ARHGAP44: variants seen among roughly 807,000 people sequenced by gnomAD.
ARHGAP44 encodes the protein Rho GTPase activating protein 44, also known as rho GTPase-activating protein 44.
In ARHGAP44, 43 loss-of-function variants were observed where a neutral mutation model predicts 106.8. The ratio of observed to expected loss-of-function variants is 0.40; its 90% CI spans 0.32 to 0.52. The LOEUF is 0.52. ARHGAP44 is among the 20% of genes least tolerant of loss of function. The pLI is 0.48. For synonymous variants in ARHGAP44, 439 were observed against 410.3 expected (o/e 1.07, Z -0.85); for missense variants, 866 against 1,050.5 (o/e 0.82, Z 2.43).
At chr17:12,815,142 A>T (rs530684810) in intron 1 of ARHGAP44, among the ~76,000 whole-genome samples, 166 of 151,308 alleles carry the variant, frequency 1.1e-3, no homozygotes, top group East Asian at 2.5e-3. Context: ...TTTTTTTTTT[A>T]AAAGATTCTT....
At chr17:12,943,725 G>A (rs140963737) in intron 9 of ARHGAP44, 56 bp downstream of exon 9, 97 of 1,539,284 alleles carry the variant, frequency 6.3e-5, no homozygotes, top group African/African-American at 8.2e-5. Context: ...TTGCCTTCCC[G>A]GATGAGATGA....
At chr17:12,803,012 A>C (rs2034165750) in intron 1 of ARHGAP44, among the ~76,000 whole-genome samples, 1 of 119,284 alleles carries the variant, frequency 8.4e-6, no homozygotes, top group Non-Finnish European at 1.6e-5. Flanking sequence ...TAGCTCTGTC[A>C]CCCAGGCTGA....
intron 1 of ARHGAP44, among the ~76,000 whole-genome samples, chr17:12,828,206 T>C (rs367550827): frequency 5.6e-4 from 85 of 151,612 alleles, no homozygotes; most frequent in African/African-American, 2.0e-3. Context: ...GTAGTTTTTT[T>C]CTCTTTCTTT....
At chr17:12,975,820 A>AAT (rs2039668027) in intron 18 of ARHGAP44, among the ~76,000 whole-genome samples, 5 of 134,850 alleles carry the variant, frequency 3.7e-5, no homozygotes, top group South Asian at 2.3e-4. Context: ...AAAAAAAAGA[A>AAT]AAAAAGACAT....
At chr17:12,849,453 G>A (rs778457301) in intron 1 of ARHGAP44, among the ~76,000 whole-genome samples, 10 of 150,966 alleles carry the variant, frequency 6.6e-5, no homozygotes, top group Non-Finnish European at 1.3e-4. Flanking sequence ...GGCTGGGCTT[G>A]TTCACCTGAA....
chr17:12,969,990 A>T lies in ARHGAP44; in HGVS notation c.1524-3312A>T, dbSNP rs557164279. ...CATGAAAAATACCCACGTTTCCATT[A>T]TGATAAATCCTATGCAAATATAAGA... On this transcript the variant is annotated intron_variant, in intron 16 of 20. Coordinates refer to ENST00000379672, the MANE Select transcript of ARHGAP44 (RefSeq NM_014859.6). 3.3e-5 allele frequency among the ~76,000 whole-genome samples: 5 copies of T among 152,298 alleles called. No homozygotes were observed. The South Asian group carries it at 1.0e-3, about 32-fold the overall frequency.
Position 12,974,150 on chromosome 17 carries a change from A to T in ARHGAP44, c.1603A>T (p.Lys535Ter). The T allele has an allele frequency of 6.4e-7, 1 of 1,561,044 alleles. No individual in the cohort carries two copies. The highest frequency in any genetic ancestry group is 8.7e-7 in the Non-Finnish European group (1 of 1,153,194). ...TCGAAGAGGCTCCTCGGCCGGTCGG[A>T]AAGTGTCCTGCGCCCCGCCCTCCAT... Reference protein sequence around the residue: ...VARRGSSAGRKVSCAPPSMQP... With the variant: ...VARRGSSAGR Residue 535 changes from lysine to a stop codon, truncating the protein, a stop_gained, in exon 18 of 21, where the codon AAA becomes TAA. Coordinates refer to ENST00000379672, the MANE Select transcript of ARHGAP44 (RefSeq NM_014859.6). LOFTEE classifies it high-confidence loss of function.
intron 1 of ARHGAP44, among the ~76,000 whole-genome samples, chr17:12,799,127 C>T (rs906805395): frequency 2.0e-5 from 3 of 152,166 alleles, no homozygotes; most frequent in Admixed American, 1.3e-4. Flanking sequence ...ATTTCTTTCT[C>T]ATTAGCTTTT....
Position 12,974,078 on chromosome 17 carries a change from TC to T in ARHGAP44, c.1542-8del. On this transcript the variant is annotated splice_polypyrimidine_tract_variant and intron_variant, in intron 17 of 20. Coordinates refer to ENST00000379672, the MANE Select transcript of ARHGAP44 (RefSeq NM_014859.6). The stretch of plus-strand genomic sequence containing the variant: ...CGCGTGGGTAAGCGGTGTCTTTGTG[TC>T]CCTCGCCAGCATGGGTGTGAGGGTC... 3.9e-6 allele frequency: 6 copies of T among 1,556,752 alleles called. No individual in the cohort carries two copies. Among genetic ancestry groups the T allele is most frequent in the East Asian group, 2.4e-5 (1 of 41,402 alleles).
chr17:12,989,084 C>T (rs1231922550), intron 20 of ARHGAP44, among the ~76,000 whole-genome samples: 1 of 107,156 alleles, frequency 9.3e-6, no homozygotes, highest in Non-Finnish European at 1.8e-5. Flanking sequence ...GTGACAAGAG[C>T]GAAACTCCAC....
intron 4 of ARHGAP44, among the ~76,000 whole-genome samples, chr17:12,910,726 G>A (rs1462470307): frequency 6.6e-6 from 1 of 152,032 alleles, no homozygotes; most frequent in Non-Finnish European, 1.5e-5. Context: ...GATTACAGGA[G>A]TGCTTATGTA....
chr17:12,914,167 T>C (rs943056745), intron 4 of ARHGAP44, among the ~76,000 whole-genome samples: 2 of 152,116 alleles, frequency 1.3e-5, no homozygotes, highest in Non-Finnish European at 2.9e-5. Flanking sequence ...AGGCACTTCA[T>C]GGGAGAGGGA....
chr17:12,990,819 G>A lies in ARHGAP44; in HGVS notation c.*648G>A, dbSNP rs1487593418. 2 of 152,240 alleles carry A rather than the reference G, an allele frequency of 1.3e-5. No homozygotes were observed. The highest frequency in any genetic ancestry group is 2.1e-4 in the South Asian group (1 of 4,832). The allele number at this position is 152,240 out of a possible 1,614,324, so 9.4% of individuals were successfully genotyped here. A position where few individuals can be genotyped will look rare whatever the true frequency, so the allele number is the denominator to read the frequency against. On this transcript the variant is annotated 3_prime_UTR_variant, in exon 21 of 21. Transcript: ENST00000379672. ...CTAACAGTTTTCCTTTTTCCACTGT[G>A]TGACTGAAAGCTCCTATATCATTTT...
chr17:12,789,981 GTCC>G (rs2033687075), intron 1 of ARHGAP44, 90 bp downstream of exon 1: 1 of 1,269,938 alleles, frequency 7.9e-7, no homozygotes, highest in Non-Finnish European at 1.1e-6. Flanking sequence ...CCAGCCTCCA[GTCC>G]TCCTTGCCTC....
chr17:12,916,093 T>C, intron 5 of ARHGAP44, 82 bp downstream of exon 5: 1 of 1,116,576 alleles, frequency 9.0e-7, no homozygotes, highest in Non-Finnish European at 1.3e-6. Context: ...TTTCCAGCAT[T>C]CTACTTCTTT....
chr17:12,937,617 T>C (rs1477302865), intron 7 of ARHGAP44, among the ~76,000 whole-genome samples: 1 of 152,214 alleles, frequency 6.6e-6, no homozygotes, highest in Non-Finnish European at 1.5e-5. Flanking sequence ...CTGCCAAATC[T>C]AAGAGTTGTT....
chr17:12,838,874 A>G (rs778452461), intron 1 of ARHGAP44, among the ~76,000 whole-genome samples: 1 of 151,814 alleles, frequency 6.6e-6, no homozygotes, highest in African/African-American at 2.4e-5. Flanking sequence ...ATATATGTAT[A>G]TATATATATT....
chr17:12,941,034 T>G (rs755953418), intron 7 of ARHGAP44, 22 bp from the exon 8 acceptor site: 1 of 1,612,466 alleles, frequency 6.2e-7, no homozygotes, highest in Non-Finnish European at 8.5e-7. Context: ...TTTACCTTGG[T>G]TGTATATTTT....
In ARHGAP44 at chr17:12,802,955, ATATATATATATATATTT is replaced by A. The variant is rs1191147440; in HGVS notation, c.53+13066_53+13082del. 1.4e-4 allele frequency among the ~76,000 whole-genome samples: 3 copies of A among 22,100 alleles called. No homozygotes were observed. The African/African-American group carries it at 1.8e-3, about 13-fold the overall frequency. The allele number at this position is 22,100 out of a possible 152,430, so 14.5% of individuals were successfully genotyped here. ...TATATATATATATATATATATATAT[ATATATATATATATATTT>A]TTTTTTTTTTTTTTTTTTGAGGCAG... is the stretch of plus-strand genomic sequence containing the variant. On this transcript the variant is annotated intron_variant, in intron 1 of 20. Coordinates refer to ENST00000379672, the MANE Select transcript of ARHGAP44 (RefSeq NM_014859.6).
Sources: allele counts gnomAD v4.1 joint callset (sites outside exome capture counted in the v4.1 genomes callset), GRCh38; gene constraint gnomAD v4.1.1; transcripts MANE v1.5; gene names NCBI Gene and HGNC (gene_info 2026-07-23, HGNC 2026-07-21).